Variants in AGMO observed in about 807,000 individuals in gnomAD.
AGMO encodes the protein alkylglycerol monooxygenase, also known as glyceryl-ether monooxygenase.
A neutral mutation model predicts 60.2 loss-of-function variants in AGMO; 75 were observed. That is an observed-to-expected ratio of 1.25 (90% CI 1.03 to 1.51). AGMO has a LOEUF of 1.51. Among genes scored for constraint, AGMO ranks in the 40% most tolerant of loss-of-function variants. The pLI, the probability that AGMO is intolerant of heterozygous loss-of-function variation, is 0.00. For missense variants in AGMO, 763 were observed against 525.5 expected (o/e 1.45, Z -4.42); for synonymous variants, 261 against 177.1 (o/e 1.47, Z -3.76).
the AGMO span, among the ~76,000 whole-genome samples, chr7:15,122,098 A>C: frequency 7.2e-5 from 11 of 152,176 alleles, no homozygotes; most frequent in Admixed American, 7.2e-4. Flanking sequence ...AGCAAAAGAA[A>C]CTATCACCAA....
chr7:15,310,315 A>T (rs1354693359), intron 12 of AGMO, among the ~76,000 whole-genome samples: 1 of 152,144 alleles, frequency 6.6e-6, no homozygotes. Flanking sequence ...TTTTTAGCAA[A>T]AATTTCATTC....
Position 15,264,293 on chromosome 7 carries a change from G to A in AGMO, c.1264-62934C>T, listed in dbSNP as rs772340246. Among the ~76,000 whole-genome samples the A allele has an allele frequency of 6.6e-5, 10 of 151,604 alleles. No individual in the cohort carries two copies. The South Asian group carries it at 8.3e-4, about 13-fold the overall frequency. Reference sequence around the variant, plus strand: ...CATACATCATAACTACGTCAAAAATGGCATGAGACTTTCCTTACAGTGAAA... The same window carrying A: ...CATACATCATAACTACGTCAAAAATAGCATGAGACTTTCCTTACAGTGAAA... On this transcript the variant is annotated intron_variant, in intron 12 of 12. Transcript: ENST00000342526.
intron 3 of AGMO, among the ~76,000 whole-genome samples, chr7:15,522,066 G>A (rs1784009375): frequency 1.3e-5 from 2 of 152,078 alleles, no homozygotes; most frequent in Admixed American, 1.3e-4. Context: ...TAGACAAAGA[G>A]AGAGCCAAAT....
chr7:15,166,891 G>A, the AGMO span, among the ~76,000 whole-genome samples: 1 of 152,148 alleles, frequency 6.6e-6, no homozygotes, highest in Non-Finnish European at 1.5e-5. Context: ...AAGATTAGGG[G>A]TGTAAGTGGG....
intron 12 of AGMO, among the ~76,000 whole-genome samples, chr7:15,326,244 T>C (rs1227954994): frequency 6.6e-6 from 1 of 152,198 alleles, no homozygotes; most frequent in Non-Finnish European, 1.5e-5. Flanking sequence ...CCCAGGCATC[T>C]ATATGGCAAA....
chr7:15,330,022 T>C (rs550885110), intron 12 of AGMO, among the ~76,000 whole-genome samples: 125 of 151,856 alleles, frequency 8.2e-4, no homozygotes, highest in Non-Finnish European at 1.5e-3. Flanking sequence ...TATAGAAGTT[T>C]AGGGCATTGT....
chr7:15,308,416 T>C (rs959970693), intron 12 of AGMO, among the ~76,000 whole-genome samples: 1 of 152,130 alleles, frequency 6.6e-6, no homozygotes, highest in African/African-American at 2.4e-5. Context: ...CCTGCCAATG[T>C]CAGATTTCAC....
chr7:15,432,361 T>TATACACACAC (rs370437254), intron 3 of AGMO, among the ~76,000 whole-genome samples: 16 of 123,924 alleles, frequency 1.3e-4, no homozygotes, highest in Admixed American at 3.2e-4. Flanking sequence ...CATATATATA[T>TATACACACAC]ACACACACAT....
chr7:15,322,459 TATATATAAATATATAA>T (rs1400947629), intron 12 of AGMO, among the ~76,000 whole-genome samples: 1 of 79,532 alleles, frequency 1.3e-5, no homozygotes. Flanking sequence ...TATATATAAA[TATATATAAATATATAA>T]ATATATATAT....
intron 12 of AGMO, among the ~76,000 whole-genome samples, chr7:15,307,284 G>C (rs1158382389): frequency 6.6e-6 from 1 of 151,394 alleles, no homozygotes; most frequent in Non-Finnish European, 1.5e-5. Context: ...CAAAAGCCAA[G>C]CCCATCTATT....
chr7:15,557,441 T>C (rs950014431), intron 2 of AGMO, among the ~76,000 whole-genome samples: 2 of 152,024 alleles, frequency 1.3e-5, no homozygotes, highest in Non-Finnish European at 2.9e-5. Context: ...CAGCTGTTAA[T>C]GATTTGCACA....
intron 5 of AGMO, among the ~76,000 whole-genome samples, chr7:15,415,318 G>T (rs1176468492): frequency 1.3e-5 from 2 of 151,946 alleles, no homozygotes; most frequent in African/African-American, 4.8e-5. Context: ...GCCAACGCAG[G>T]CAGATCACAA....
At chr7:15,350,570 G>A (rs566453139) in intron 12 of AGMO, among the ~76,000 whole-genome samples, 15 of 152,120 alleles carry the variant, frequency 9.9e-5, no homozygotes, top group Non-Finnish European at 2.1e-4. Flanking sequence ...GAGTCAGAGA[G>A]AGTAGATTTC....
intron 3 of AGMO, among the ~76,000 whole-genome samples, chr7:15,432,379 T>TATATATATATATATATACACATAC (rs373845365): frequency 7.3e-6 from 1 of 136,198 alleles, no homozygotes; most frequent in African/African-American, 2.8e-5. Flanking sequence ...CATATATATA[T>TATATATATATATATATACACATAC]ACACTATCTG....
chr7:15,283,180 G>T (rs1434605573), intron 12 of AGMO, among the ~76,000 whole-genome samples: 2 of 151,858 alleles, frequency 1.3e-5, no homozygotes, highest in Non-Finnish European at 2.9e-5. Flanking sequence ...ATAACACAAT[G>T]AAGAAAACAA....
At chr7:15,442,872 G>T (rs117467531) in intron 3 of AGMO, among the ~76,000 whole-genome samples, 8 of 152,202 alleles carry the variant, frequency 5.3e-5, no homozygotes, top group African/African-American at 1.9e-4. Flanking sequence ...AGACACAAGC[G>T]GCTGGACGTC....
the AGMO span, among the ~76,000 whole-genome samples, chr7:15,126,742 G>A: frequency 6.6e-6 from 1 of 152,160 alleles, no homozygotes; most frequent in South Asian, 2.1e-4. Context: ...AAATAACCCT[G>A]CAAAGCTGTC....
At chr7:15,549,504 A>G (rs1212962300) in intron 2 of AGMO, among the ~76,000 whole-genome samples, 1 of 151,986 alleles carries the variant, frequency 6.6e-6, no homozygotes, top group Non-Finnish European at 1.5e-5. Context: ...AAAAAAAGGC[A>G]GGGGTTGCAA....
At chr7:15,202,597 G>T (rs1781327204) in intron 12 of AGMO, among the ~76,000 whole-genome samples, 1 of 151,360 alleles carries the variant, frequency 6.6e-6, no homozygotes, top group Non-Finnish European at 1.5e-5. Flanking sequence ...CAGGTTGATG[G>T]ACTTCTTCAA....
Sources: allele counts gnomAD v4.1 joint callset (sites outside exome capture counted in the v4.1 genomes callset), GRCh38; gene constraint gnomAD v4.1.1; transcripts MANE v1.5; gene names NCBI Gene and HGNC (gene_info 2026-07-23, HGNC 2026-07-21).